The following ANPEP variants were observed in gnomAD, a reference collection of about 807,000 sequenced individuals.
ANPEP encodes the protein aminopeptidase N.
A neutral mutation model predicts 114.6 loss-of-function variants in ANPEP; 70 were observed. The ratio of observed to expected loss-of-function variants is 0.61; its 90% CI spans 0.50 to 0.75. The LOEUF (loss-of-function observed/expected upper bound fraction) is 0.75, where lower values mean the gene tolerates loss of function less well. Among genes scored for constraint, ANPEP ranks in the 30% least tolerant of loss-of-function variants. ANPEP has a pLI of 0.00. For synonymous variants in ANPEP, 548 were observed against 522.3 expected, an observed-to-expected ratio of 1.05 and a Z score of -0.67; for missense variants, 1,184 against 1,259.5, an observed-to-expected ratio of 0.94 and a Z score of 0.91.
chr15:89,810,916 C>T (rs191784238), intron 1 of ANPEP, among the ~76,000 whole-genome samples: 18 of 152,372 alleles, frequency 1.2e-4, no homozygotes, highest in Non-Finnish European at 2.5e-4. Flanking sequence ...CAAGCTGATC[C>T]TTGGGCCTGG....
chr15:89,786,064 C>A (rs1288948158), intron 20 of ANPEP, among the ~76,000 whole-genome samples: 1 of 152,096 alleles, frequency 6.6e-6, no homozygotes, highest in Admixed American at 6.6e-5. Context: ...TGCAAGGTTG[C>A]AGGATACAAG....
chr15:89,790,742 C>T (rs1211361487), intron 19 of ANPEP, among the ~76,000 whole-genome samples: 3 of 152,136 alleles, frequency 2.0e-5, no homozygotes, highest in African/African-American at 4.8e-5. Flanking sequence ...CTGGAGAATA[C>T]GCCCACACGC....
At chr15:89,802,786 AACTCGAGCCGG>A (rs1894622588) in intron 10 of ANPEP, 1 of 191,908 alleles carries the variant, frequency 5.2e-6, no homozygotes, top group African/African-American at 2.4e-5. Flanking sequence ...GATGGAGAGG[AACTCGAGCCGG>A]GGCAGGGGCA....
chr15:89,797,752 G>A, intron 14 of ANPEP, 30 bp from the exon 15 acceptor site: 1 of 1,613,190 alleles, frequency 6.2e-7, no homozygotes, highest in South Asian at 1.1e-5. Flanking sequence ...CCCAAGTAAA[G>A]CACCTCCACC....
intron 1 of ANPEP, among the ~76,000 whole-genome samples, chr15:89,812,039 G>T (rs1894825173): frequency 6.6e-6 from 1 of 152,278 alleles, no homozygotes; most frequent in East Asian, 1.9e-4. Context: ...CACAGTCACA[G>T]TGTGGAAGAC....
At chr15:89,794,691 T>A (rs1968695766) in intron 15 of ANPEP, among the ~76,000 whole-genome samples, 2 of 151,828 alleles carry the variant, frequency 1.3e-5, no homozygotes, top group Admixed American at 6.6e-5. Context: ...GCTCAGAAAG[T>A]GGGGTCACCA....
intron 19 of ANPEP, 35 bp downstream of exon 19, chr15:89,790,918 G>A (rs774951046): frequency 6.2e-6 from 10 of 1,606,676 alleles, no homozygotes; most frequent in South Asian, 4.4e-5. Flanking sequence ...CAGCCTCGGC[G>A]CTCGCTGTCC....
rs780737066 is a variant in ANPEP, at chr15:89,785,299, A to C, written c.*50T>G. ...GGCCCTGCACCAGCCGCTGGGATGGACACATGTGGGCACCTTGCATGGGGG... is the reference window on the plus strand; with the variant it reads ...GGCCCTGCACCAGCCGCTGGGATGGCCACATGTGGGCACCTTGCATGGGGG... On this transcript the variant is annotated 3_prime_UTR_variant, in exon 21 of 21. Transcript: ENST00000300060. The C allele has an allele frequency of 6.2e-7, 1 of 1,608,982 alleles. No homozygotes were observed. The highest frequency in any genetic ancestry group is 1.1e-5 in the South Asian group (1 of 90,870).
At chr15:89,802,235 T>C (rs1242462865) in intron 10 of ANPEP, among the ~76,000 whole-genome samples, 1 of 151,260 alleles carries the variant, frequency 6.6e-6, no homozygotes. Context: ...CGGCCGAGGG[T>C]CTCAGGAAAG....
chr15:89,796,256 T>C (rs1318834949), intron 15 of ANPEP, among the ~76,000 whole-genome samples: 1 of 152,206 alleles, frequency 6.6e-6, no homozygotes, highest in Non-Finnish European at 1.5e-5. Flanking sequence ...TGTGATACAT[T>C]TGTAACTGTG....
At position 89,801,620 on chromosome 15, in the gene ANPEP, C is replaced by T. The variant is rs368722858; in HGVS notation, c.1570-13G>A. On this transcript the variant is annotated splice_polypyrimidine_tract_variant and intron_variant, in intron 10 of 20. Coordinates refer to ENST00000300060, the MANE Select transcript of ANPEP (RefSeq NM_001150.3). Reference sequence around the variant, plus strand: ...GGTTGTTCACAGCCTGTGGGTGGAGCGAGAGGGCGTGGCCATCAGTGGGAC... The same window carrying T: ...GGTTGTTCACAGCCTGTGGGTGGAGTGAGAGGGCGTGGCCATCAGTGGGAC... 6.5e-5 allele frequency: 104 copies of T among 1,611,086 alleles called. No individual in the cohort carries two copies. The Middle Eastern group carries it at 7.1e-4, about 11-fold the overall frequency.
intron 20 of ANPEP, among the ~76,000 whole-genome samples, chr15:89,788,031 A>G (rs1471030328): frequency 6.6e-6 from 1 of 152,250 alleles, no homozygotes; most frequent in African/African-American, 2.4e-5. Context: ...ATACACTGCT[A>G]ATAGGAATGG....
Position 89,803,001 on chromosome 15 carries a change from C to A in ANPEP, c.1569+238G>T, listed in dbSNP as rs1045070509. Among the ~76,000 whole-genome samples the A allele has an allele frequency of 6.6e-6, 1 of 152,164 alleles. No homozygotes were observed. The highest frequency in any genetic ancestry group is 1.9e-4 in the East Asian group (1 of 5,162). On this transcript the variant is annotated intron_variant, in intron 10 of 20. Transcript: ENST00000300060. The surrounding 1 kb of genome is among the most constrained non-coding windows in gnomAD (Gnocchi z 4.2). ...GCTCTACAGCTCCCATCAAGAAGCC[C>A]GCTGTAGCCTGAGGTCAGCTGCTGG... is the stretch of plus-strand genomic sequence containing the variant.
intron 4 of ANPEP, 109 bp downstream of exon 4, chr15:89,804,969 T>C: frequency 6.7e-7 from 1 of 1,503,074 alleles, no homozygotes; most frequent in Non-Finnish European, 9.1e-7. Context: ...GAGGTGGGAT[T>C]CCAACCCTGG....
chr15:89,790,075 ATAAAAAAAAT>A lies in ANPEP; in HGVS notation c.2751+375_2751+384del, dbSNP rs750331941. ...CTCCATCTCAAAAAAAAAATAAAAAATAAAAAAAATAAAAGAATGCGTTTATTTTTCATAT... is the reference window on the plus strand; with the variant it reads ...CTCCATCTCAAAAAAAAAATAAAAAAAAAAGAATGCGTTTATTTTTCATAT... On this transcript the variant is annotated intron_variant, in intron 20 of 20. Transcript: ENST00000300060. Among the ~76,000 whole-genome samples, 83 of 122,080 alleles carry A rather than the reference ATAAAAAAAAT, an allele frequency of 6.8e-4. 2 individuals are homozygous for A. The highest frequency in any genetic ancestry group is 6.1e-3 in the East Asian group (28 of 4,562). 80.1% of individuals were successfully genotyped at this position (122,080 alleles called of 152,430 possible). A position where few individuals can be genotyped will look rare whatever the true frequency, so the allele number is the denominator to read the frequency against.
In ANPEP at chr15:89,790,542, CTG is replaced by C; in HGVS notation, c.2670-3_2670-2del. On this transcript the variant is annotated splice_acceptor_variant and splice_polypyrimidine_tract_variant and intron_variant, in intron 19 of 20. Transcript: ENST00000300060. LOFTEE classifies it high-confidence loss of function. Reference sequence around the variant, plus strand: ...GAAGGAGAACGAGCCACCACCATAACTGCAGGGAGGGAGAGAGGTGAACTGTG... The same window carrying C: ...GAAGGAGAACGAGCCACCACCATAACCAGGGAGGGAGAGAGGTGAACTGTG... 6.2e-7 allele frequency: 1 copy of C among 1,613,654 alleles called. No individual in the cohort carries two copies. Among genetic ancestry groups the C allele is most frequent in the Non-Finnish European group, 8.5e-7 (1 of 1,179,658 alleles).
chr15:89,804,880 T>C, intron 4 of ANPEP, 198 bp downstream of exon 4: 9 of 885,844 alleles, frequency 1.0e-5, no homozygotes, highest in Admixed American at 2.8e-5. Context: ...ACTCCCTTCA[T>C]GAAGAGAAAC....
chr15:89,793,991 C>T (rs75038822), intron 15 of ANPEP, among the ~76,000 whole-genome samples: 3,651 of 152,180 alleles, frequency 0.024, 156 homozygotes, highest in African/African-American at 0.084. Flanking sequence ...CCTGGATCCA[C>T]GTCCAAATGT....
chr15:89,801,365 A>C (rs1168008767), intron 11 of ANPEP, 70 bp downstream of exon 11: 1 of 1,581,792 alleles, frequency 6.3e-7, no homozygotes, highest in African/African-American at 1.3e-5. Context: ...GGCCAGTCCT[A>C]CTATGGTCCC....
Sources: gnomAD v4.1 joint callset for allele counts (sites outside exome capture counted in the v4.1 genomes callset) on GRCh38, gnomAD v4.1.1 for gene constraint, Gnocchi (gnomAD v3.1) non-coding constraint, MANE v1.5 for transcripts, NCBI Gene and HGNC (gene_info 2026-07-23, HGNC 2026-07-21) for gene names.